RBM5: variants seen among roughly 807,000 people sequenced by gnomAD.
RBM5 encodes the protein RNA-binding protein 5.
Under a neutral mutation model 124.6 loss-of-function variants are expected in RBM5, and 15 were observed. The ratio of observed to expected loss-of-function variants is 0.12; its 90% confidence interval spans 0.08 to 0.19. The LOEUF (loss-of-function observed/expected upper bound fraction) is 0.19. RBM5 is among the 10% of genes least tolerant of loss of function. The pLI, the probability that RBM5 is intolerant of heterozygous loss-of-function variation, is 1.00. For synonymous variants in RBM5, 337 were observed against 361.2 expected (o/e 0.93, Z 0.76); for missense variants, 580 against 1,026.5 (o/e 0.57, Z 5.94).
chr3:50,109,980 A>G (rs1437890034), intron 15 of RBM5, among the ~76,000 whole-genome samples: 1 of 152,178 alleles, frequency 6.6e-6, no homozygotes, highest in African/African-American at 2.4e-5. Context: ...TGGGAGGCCG[A>G]GGCGGGTGGA....
chr3:50,093,531 G>C (rs1013199293), intron 3 of RBM5, among the ~76,000 whole-genome samples, 189 bp from the exon 4 acceptor site: 4 of 151,870 alleles, frequency 2.6e-5, no homozygotes, highest in Admixed American at 6.6e-5. Context: ...TTTGAGGCCA[G>C]GAGTTCAGAC....
In RBM5 at chr3:50,112,403, G is replaced by A. The variant is rs184114068; in HGVS notation, c.1456-980G>A. On this transcript the variant is annotated intron_variant, in intron 17 of 24. Transcript: ENST00000347869. ...TGCACTCCAGCCTGGGTGACGGAGC[G>A]AGACTCTGTCTAAAAAAAAAAAAAA... is the stretch of plus-strand genomic sequence containing the variant. 7.1e-3 allele frequency among the ~76,000 whole-genome samples: 921 copies of A among 129,214 alleles called. 5 individuals are homozygous for A. The highest frequency in any genetic ancestry group is 0.012 in the Admixed American group (147 of 12,282). 84.8% of individuals were successfully genotyped at this position (129,214 alleles called of 152,430 possible). A position where few individuals can be genotyped will look rare whatever the true frequency, so the allele number is the denominator to read the frequency against.
chr3:50,117,006 T>C lies in RBM5; in HGVS notation c.2095-68T>C, dbSNP rs1575341728. 7.1e-7 allele frequency: 1 copy of C among 1,401,860 alleles called. No individual in the cohort carries two copies. The highest frequency in any genetic ancestry group is 1.2e-5 in the South Asian group (1 of 86,172). 86.8% of individuals were successfully genotyped at this position (1,401,860 alleles called of 1,614,324 possible). ...AAATACTTGAGGGGATAGTTTTGAA[T>C]AGGTGCATTAGACGGTTACAGGTTG... On this transcript the variant is annotated intron_variant, in intron 22 of 24. Coordinates refer to ENST00000347869, the MANE Select transcript of RBM5 (RefSeq NM_005778.4). This position sits in a 1 kb window ranked among gnomAD's most constrained non-coding sequence, Gnocchi z 4.2.
intron 17 of RBM5, among the ~76,000 whole-genome samples, chr3:50,111,439 C>G (rs1377766176): frequency 1.3e-5 from 2 of 152,096 alleles, no homozygotes; most frequent in Non-Finnish European, 2.9e-5. Flanking sequence ...TTTTGTGGCA[C>G]GATCTTGGCT....
intron 17 of RBM5, chr3:50,112,560 C>G (rs1281774360): frequency 1.3e-5 from 2 of 152,274 alleles, no homozygotes; most frequent in African/African-American, 4.8e-5. Flanking sequence ...TGTGACACCT[C>G]TCCTCTGTTG....
chr3:50,115,283 C>A, intron 20 of RBM5, 145 bp from the exon 21 acceptor site: 1 of 1,004,356 alleles, frequency 1.0e-6, no homozygotes, highest in Non-Finnish European at 1.5e-6. Flanking sequence ...ACGCAGTTGA[C>A]AAAATGTGAT....
At chr3:50,091,131 T>C (rs933777563) in intron 2 of RBM5, among the ~76,000 whole-genome samples, 8 of 152,212 alleles carry the variant, frequency 5.3e-5, no homozygotes, top group Admixed American at 3.3e-4. Flanking sequence ...GTAGATCACA[T>C]TGACAGGCTG....
chr3:50,092,195 A>G lies in RBM5; in HGVS notation c.170A>G (p.Tyr57Cys), dbSNP rs768021721. The part of the protein sequence containing the change: ...RGDRYDDYRD[Y>C]DSPERERERR... ...GATAGATATGATGACTACCGAGACT[A>G]TGACAGTCCAGAGGTGAGTGACCAG... Residue 57 changes from tyrosine to cysteine, a missense_variant, in exon 3 of 25, where the codon TAT becomes TGT. Tyr to Cys is a radical substitution (Grantham distance 194). This residue lies in a region of RBM5 where 99 missense variants were observed against 121.1 expected (regional missense o/e 0.82). Transcript: ENST00000347869. The G allele has an allele frequency of 3.2e-5, 52 of 1,613,348 alleles. No homozygotes were observed. In the East Asian group the frequency reaches 1.1e-3, roughly 33 times the overall value.
intron 9 of RBM5, 133 bp from the exon 10 acceptor site, chr3:50,105,416 T>C (rs2091010260): frequency 2.3e-5 from 23 of 1,005,168 alleles, no homozygotes; most frequent in Non-Finnish European, 3.2e-5. Context: ...TTTAGAATCT[T>C]CTCCATGTCA....
At position 50,117,519 on chromosome 3, in the gene RBM5, A is replaced by G. The variant is rs2091277206; in HGVS notation, c.2322+140A>G. The G allele has an allele frequency of 7.5e-6, 9 of 1,199,214 alleles. No individual in the cohort carries two copies. The highest frequency in any genetic ancestry group is 3.0e-5 in the African/African-American group (2 of 65,708). The allele number at this position is 1,199,214 out of a possible 1,614,324, so 74.3% of individuals were successfully genotyped here. On this transcript the variant is annotated intron_variant, in intron 24 of 24. Coordinates refer to ENST00000347869, the MANE Select transcript of RBM5 (RefSeq NM_005778.4). This position sits in a 1 kb window ranked among gnomAD's most constrained non-coding sequence, Gnocchi z 4.2. The stretch of plus-strand genomic sequence containing the variant: ...GGGCAGATTACAGGCATGAGCTCAC[A>G]CCTGTAATCCCAGCACTTTGGGAGG...
In RBM5 at chr3:50,114,229, G is replaced by A. The variant is rs762655179; in HGVS notation, c.1817G>A (p.Gly606Glu). ...CTCATCCCAGAATTGGTGCGAAATG[G>A]AGATGAGGAGAATCCCCTCAAAGTA... ...QQLIPELVRN[G>E]DEENPLKRGL... is the part of the protein sequence containing the mutation. Residue 606 changes from glycine (G) to glutamate (E), a missense_variant, in exon 20 of 25, where the codon GGA (glycine) becomes GAA (glutamate). Around this residue, in one of 6 missense-constraint regions of RBM5, gnomAD observed 234 missense variants for 435.1 expected, o/e 0.54. Coordinates refer to ENST00000347869, the MANE Select transcript of RBM5 (RefSeq NM_005778.4). 1 of 1,610,498 alleles carries A rather than the reference G, an allele frequency of 6.2e-7. No individual in the cohort carries two copies. The highest frequency in any genetic ancestry group is 8.5e-7 in the Non-Finnish European group (1 of 1,179,134).
chr3:50,099,961 A>AAGCTTTAACAGGGTT, intron 4 of RBM5, 21 bp from the exon 5 acceptor site: 1 of 1,607,870 alleles, frequency 6.2e-7, no homozygotes, highest in Non-Finnish European at 8.5e-7. Context: ...TTAACTGTAA[A>AAGCTTTAACAGGGTT]TAATGTAAAA....
chr3:50,107,605 G>A, intron 12 of RBM5, 36 bp downstream of exon 12: 1 of 1,493,000 alleles, frequency 6.7e-7, no homozygotes. Flanking sequence ...AGGTAGTGTG[G>A]TGGTGGTGCC....
chr3:50,107,667 CTTTTCTTTTTTTTTTTT>C (rs2091060634), intron 12 of RBM5, 98 bp downstream of exon 12: 2 of 135,134 alleles, frequency 1.5e-5, no homozygotes, highest in Non-Finnish European at 2.7e-5. Flanking sequence ...GAGCTCTTTT[CTTTTCTTTTTTTTTTTT>C]TTTTTTTTTT....
intron 10 of RBM5, among the ~76,000 whole-genome samples, chr3:50,106,118 AT>A (rs61297967): frequency 1.6e-3 from 51 of 32,726 alleles, no homozygotes; most frequent in Admixed American, 3.5e-3. Flanking sequence ...ACGCCCAGCT[AT>A]TTTTTTTTTT....
In RBM5 at chr3:50,118,657, G is replaced by A. The variant is rs926748904; in HGVS notation, c.*201G>A. On this transcript the variant is annotated 3_prime_UTR_variant, in exon 25 of 25. Transcript: ENST00000347869. Reference sequence around the variant, plus strand: ...TGCCTGGTGAATGGCCTTCCTTCCCGCCAGAGGGCTTGTGAACAGACCGGA... The same window carrying A: ...TGCCTGGTGAATGGCCTTCCTTCCCACCAGAGGGCTTGTGAACAGACCGGA... 1.6e-5 allele frequency: 12 copies of A among 748,658 alleles called. No individual in the cohort carries two copies. The highest frequency in any genetic ancestry group is 3.5e-5 in the African/African-American group (2 of 56,820). 46.4% of individuals were successfully genotyped at this position (748,658 alleles called of 1,614,324 possible). A position where few individuals can be genotyped will look rare whatever the true frequency, so the allele number is the denominator to read the frequency against.
At chr3:50,107,215 T>G in intron 11 of RBM5, 1 of 604,642 alleles carries the variant, frequency 1.7e-6, no homozygotes, top group South Asian at 1.8e-5. Flanking sequence ...AGTGCTTAAC[T>G]CTAACACGGT....
intron 4 of RBM5, 147 bp downstream of exon 4, chr3:50,094,022 TGA>T: frequency 3.7e-6 from 3 of 805,368 alleles, no homozygotes; most frequent in East Asian, 2.6e-5. Context: ...AGAACTGTTT[TGA>T]TATTTTTTTT....
chr3:50,112,409 CTG>C (rs2091161956), intron 17 of RBM5, among the ~76,000 whole-genome samples: 1 of 81,442 alleles, frequency 1.2e-5, no homozygotes, highest in Non-Finnish European at 2.2e-5. Flanking sequence ...GAGCGAGACT[CTG>C]TCTAAAAAAA....
Sources: gnomAD v4.1 joint callset for allele counts (sites outside exome capture counted in the v4.1 genomes callset) on GRCh38, gnomAD v4.1.1 for gene constraint, gnomAD v4.1.1 regional missense constraint, Gnocchi (gnomAD v3.1) non-coding constraint, MANE v1.5 for transcripts, NCBI Gene and HGNC (gene_info 2026-07-23, HGNC 2026-07-21) for gene names.